The following POGZ variants were observed in gnomAD, a reference collection of about 807,000 sequenced individuals.
The protein encoded by POGZ is pogo transposable element with ZNF domain.
In POGZ, 17 loss-of-function variants were observed where a neutral mutation model predicts 134.6. The observed-to-expected ratio is 0.13, with a 90% confidence interval of 0.09 to 0.19. The LOEUF is 0.19. Ranked by LOEUF, POGZ falls within the 10% of genes least tolerant of loss-of-function variation. The pLI is 1.00. For synonymous variants in POGZ, 693 were observed against 657.1 expected (o/e 1.05, Z -0.84); for missense variants, 1,306 against 1,769.7 (o/e 0.74, Z 4.70).
In POGZ at chr1:151,426,661, T is replaced by C. The variant is rs554183327; in HGVS notation, c.1078+1162A>G. 10 of 152,326 alleles carry C rather than the reference T, an allele frequency of 6.6e-5. No individual in the cohort carries two copies. In the South Asian group the frequency reaches 2.1e-3, roughly 32 times the overall value. The allele number at this position is 152,326 out of a possible 1,614,324, so 9.4% of individuals were successfully genotyped here. ...TTGACAACGTCCTGCACAAAAGTTTTAAATTTTGATATAATTTAATTTACT... is the reference window on the plus strand; with the variant it reads ...TTGACAACGTCCTGCACAAAAGTTTCAAATTTTGATATAATTTAATTTACT... On this transcript the variant is annotated intron_variant, in intron 7 of 18. Transcript: ENST00000271715.
At chr1:151,407,145 T>C in intron 16 of POGZ, 90 bp downstream of exon 16, 3 of 1,229,118 alleles carry the variant, frequency 2.4e-6, no homozygotes, top group Non-Finnish European at 3.5e-6. Context: ...TGAAATTAAT[T>C]CACATAACCA....
In POGZ at chr1:151,406,533, G is replaced by GATA. The variant is rs541963643; in HGVS notation, c.2570+71_2571-70dup. The GATA allele has an allele frequency of 4.5e-4, 683 of 1,524,490 alleles. 1 individual carries two copies. Among genetic ancestry groups the GATA allele is most frequent in the East Asian group, 1.8e-3 (74 of 41,900 alleles). The allele number at this position is 1,524,490 out of a possible 1,614,324, so 94.4% of individuals were successfully genotyped here. On this transcript the variant is annotated intron_variant, in intron 18 of 18. Transcript: ENST00000271715. Reference sequence around the variant, plus strand: ...AACTAGGAAATTGAAACAATAATATGATAATAATAATAATAATAACAGAGT... The same window carrying GATA: ...AACTAGGAAATTGAAACAATAATATGATAATAATAATAATAATAATAACAGAGT...
In POGZ at chr1:151,406,464, C is replaced by G. The variant is rs1450277806; in HGVS notation, c.2571G>C (p.Arg857Ser). 1.9e-6 allele frequency: 3 copies of G among 1,553,596 alleles called. No individual in the cohort carries two copies. In the African/African-American group the frequency reaches 4.1e-5, roughly 21 times the overall value. ...PRGLTWIAHS[R>S]HGQTRDRVHD... is the part of the protein sequence containing the mutation. ...GCACTCGGTCACGAGTCTGGCCATG[C>G]CTAAAGGGGTGAGGAGCAAAGAGAA... The change falls in exon 19 of 19, where the codon AGG becomes AGC. Residue 857 changes from arginine (R) to serine (S), a missense_variant and splice_region_variant. Physicochemically the swap from Arg to Ser is moderately radical, Grantham distance 110. Around this residue, in one of 10 missense-constraint regions of POGZ, gnomAD observed 214 missense variants for 255.5 expected, o/e 0.84. Transcript: ENST00000271715.
chr1:151,413,651 ATTC>A (rs1655109476), intron 10 of POGZ, among the ~76,000 whole-genome samples: 1 of 151,758 alleles, frequency 6.6e-6, no homozygotes, highest in Non-Finnish European at 1.5e-5. Flanking sequence ...AGTTGAAATA[ATTC>A]TTTTTTCTTT....
At chr1:151,443,133 T>C (rs940616534) in intron 1 of POGZ, among the ~76,000 whole-genome samples, 4 of 152,244 alleles carry the variant, frequency 2.6e-5, no homozygotes, top group African/African-American at 9.6e-5. Context: ...TCAGTCTTTA[T>C]TTAAAATAGA....
intron 3 of POGZ, among the ~76,000 whole-genome samples, chr1:151,431,477 A>C (rs576879948): frequency 1.3e-5 from 2 of 152,356 alleles, no homozygotes; most frequent in South Asian, 4.1e-4. Flanking sequence ...GCAAGCACAC[A>C]GAATCTAAGG....
intron 3 of POGZ, among the ~76,000 whole-genome samples, chr1:151,435,140 T>C (rs929775117): frequency 2.6e-5 from 4 of 152,208 alleles, no homozygotes; most frequent in African/African-American, 7.2e-5. Context: ...CCTCAGGCGA[T>C]CTGCCCGCCT....
chr1:151,416,057 AATTAGCCGGGTGTGGTGGTGCACGCCTGT>A (rs1463358731), intron 10 of POGZ, among the ~76,000 whole-genome samples: 2 of 149,974 alleles, frequency 1.3e-5, no homozygotes, highest in African/African-American at 4.9e-5. Context: ...CTAATACAAA[AATTAGCCGGGTGTGGTGGTGCACGCCTGT>A]AATCCCAGCT....
At chr1:151,407,170 GAAAAACCTGAAAATTAATGT>G (rs1229019728) in intron 16 of POGZ, 45 bp downstream of exon 16, 13 of 1,337,210 alleles carry the variant, frequency 9.7e-6, no homozygotes, top group Non-Finnish European at 1.4e-5. Flanking sequence ...TCCAAATAAT[GAAAAACCTGAAAATTAATGT>G]AAAAACCTGA....
At chr1:151,432,905 G>A (rs1658932689) in intron 3 of POGZ, among the ~76,000 whole-genome samples, 1 of 152,120 alleles carries the variant, frequency 6.6e-6, no homozygotes, top group Non-Finnish European at 1.5e-5. Flanking sequence ...GTTACAAAAT[G>A]TTTGCAAAGT....
At chr1:151,410,964 T>C (rs975697610) in intron 12 of POGZ, among the ~76,000 whole-genome samples, 1 of 152,182 alleles carries the variant, frequency 6.6e-6, no homozygotes, top group Admixed American at 6.5e-5. Flanking sequence ...CAAAAGCCAA[T>C]AGCCACTATC....
chr1:151,457,025 A>T (rs1462223958), intron 1 of POGZ, among the ~76,000 whole-genome samples: 1 of 152,218 alleles, frequency 6.6e-6, no homozygotes, highest in Non-Finnish European at 1.5e-5. Flanking sequence ...TGAAAACAAT[A>T]AATAGCATCT....
chr1:151,431,325 C>A (rs1342514534), intron 3 of POGZ, among the ~76,000 whole-genome samples: 2 of 152,102 alleles, frequency 1.3e-5, no homozygotes, highest in African/African-American at 2.4e-5. Flanking sequence ...CACATAATCT[C>A]CCCCACCAAA....
chr1:151,433,327 G>C (rs948458357), intron 3 of POGZ, among the ~76,000 whole-genome samples: 2 of 152,128 alleles, frequency 1.3e-5, no homozygotes, highest in Admixed American at 6.5e-5. Context: ...TTCCAAAAAG[G>C]CTGGGCAAGG....
At chr1:151,446,659 G>C (rs1047675951) in intron 1 of POGZ, among the ~76,000 whole-genome samples, 2 of 150,556 alleles carry the variant, frequency 1.3e-5, no homozygotes, top group African/African-American at 4.9e-5. Flanking sequence ...AGGAAGCTGA[G>C]GCAGGAGAAT....
intron 1 of POGZ, among the ~76,000 whole-genome samples, chr1:151,450,002 A>G (rs1191984504): frequency 6.7e-6 from 1 of 149,840 alleles, no homozygotes; most frequent in Admixed American, 6.7e-5. Context: ...TCATCCTATA[A>G]TCACCTACCT....
At chr1:151,420,000 C>G (rs1656613107) in intron 10 of POGZ, among the ~76,000 whole-genome samples, 3 of 151,962 alleles carry the variant, frequency 2.0e-5, no homozygotes, top group Admixed American at 2.0e-4. Context: ...CTGGGCAACA[C>G]AGCAAGACCC....
At chr1:151,456,470 T>C (rs1662784505) in intron 1 of POGZ, among the ~76,000 whole-genome samples, 3 of 152,194 alleles carry the variant, frequency 2.0e-5, no homozygotes, top group Admixed American at 2.0e-4. Context: ...AAAACCATAG[T>C]CTGCTAGTCG....
intron 10 of POGZ, among the ~76,000 whole-genome samples, chr1:151,415,260 C>T (rs1655421188): frequency 1.3e-5 from 2 of 152,222 alleles, no homozygotes; most frequent in South Asian, 4.1e-4. Context: ...AAACTTTCTC[C>T]TTTCCACTAA....
Sources: gnomAD v4.1 joint callset for allele counts (sites outside exome capture counted in the v4.1 genomes callset) on GRCh38, gnomAD v4.1.1 for gene constraint, gnomAD v4.1.1 regional missense constraint, MANE v1.5 for transcripts, NCBI Gene and HGNC (gene_info 2026-07-23, HGNC 2026-07-21) for gene names.